Variants in UST observed in about 807,000 individuals in gnomAD.
UST encodes the protein chondroitin sulfate 2-O-sulfotransferase.
UST carries 21 observed loss-of-function variants against 45.6 expected under a neutral mutation model. The ratio of observed to expected loss-of-function variants is 0.46; its 90% CI spans 0.33 to 0.66. UST has a LOEUF of 0.66. Among genes scored for constraint, UST ranks in the 30% least tolerant of loss-of-function variants. The pLI is 0.02. For missense variants in UST, 463 were observed against 512.4 expected (o/e 0.90, Z 0.93); for synonymous variants, 215 against 200.6 (o/e 1.07, Z -0.61).
At chr6:148,750,046 T>G (rs1775959600) in intron 1 of UST, among the ~76,000 whole-genome samples, 1 of 152,246 alleles carries the variant, frequency 6.6e-6, no homozygotes, top group Non-Finnish European at 1.5e-5. Flanking sequence ...CATTCTTTTA[T>G]TTTAGTGTCT....
At chr6:148,966,146 TC>T (rs1780792153) in intron 5 of UST, among the ~76,000 whole-genome samples, 2 of 151,928 alleles carry the variant, frequency 1.3e-5, no homozygotes, top group South Asian at 4.2e-4. Flanking sequence ...ATCCTTTGAA[TC>T]CGGGAGGCAG....
In UST at chr6:148,861,116, C is replaced by G. The variant is rs183052984; in HGVS notation, c.248-25870C>G. Among the ~76,000 whole-genome samples, 10 of 152,256 alleles carry G rather than the reference C, an allele frequency of 6.6e-5. No homozygotes were observed. The East Asian group carries it at 1.7e-3, about 26-fold the overall frequency. ...CTCTGGTAGAATTCAGACGTGAATT[C>G]GTCTGGTCCTGGACTTTTTTTGGTT... On this transcript the variant is annotated intron_variant, in intron 1 of 7. Transcript: ENST00000367463.
chr6:148,765,512 T>A (rs1414419825), intron 1 of UST, among the ~76,000 whole-genome samples: 1 of 152,216 alleles, frequency 6.6e-6, no homozygotes, highest in African/African-American at 2.4e-5. Context: ...ATGACATCGG[T>A]AATTTTCAAA....
At chr6:148,906,676 G>A (rs1346354827) in intron 2 of UST, among the ~76,000 whole-genome samples, 1 of 95,110 alleles carries the variant, frequency 1.1e-5, no homozygotes, top group African/African-American at 3.8e-5. Context: ...TTCACTTGAA[G>A]ACTCTGCCTC....
chr6:149,013,276 G>T (rs983460224), intron 5 of UST, among the ~76,000 whole-genome samples: 3 of 152,122 alleles, frequency 2.0e-5, no homozygotes, highest in African/African-American at 7.2e-5. Context: ...ATTGTCAGGC[G>T]CAGTGGCTCA....
intron 7 of UST, among the ~76,000 whole-genome samples, chr6:149,042,961 T>G (rs1776337096): frequency 1.6e-5 from 1 of 61,902 alleles, no homozygotes; most frequent in Admixed American, 1.4e-4. Flanking sequence ...ATCCTTTTCT[T>G]TCTTTCTTTC....
intron 2 of UST, among the ~76,000 whole-genome samples, chr6:148,927,710 T>G (rs1463453990): frequency 6.6e-6 from 1 of 152,106 alleles, no homozygotes; most frequent in Non-Finnish European, 1.5e-5. Flanking sequence ...ACATCCCCAT[T>G]CCAAAACAGA....
At chr6:148,926,943 A>C (rs1283308153) in intron 2 of UST, among the ~76,000 whole-genome samples, 1 of 139,048 alleles carries the variant, frequency 7.2e-6, no homozygotes, top group Non-Finnish European at 1.5e-5. Context: ...ATAGGTTTGA[A>C]AAAATGTTTT....
Position 148,780,741 on chromosome 6 carries a change from A to AT in UST, c.247+33070dup, listed in dbSNP as rs1451420408. Among the ~76,000 whole-genome samples the AT allele has an allele frequency of 3.3e-5, 5 of 152,028 alleles. No individual in the cohort carries two copies. In the East Asian group the frequency reaches 9.6e-4, roughly 29 times the overall value. ...TTTGCTATTGTGAATAGTCAGCACC[A>AT]TTTTTTCTGATAACATATGCTTACT... On this transcript the variant is annotated intron_variant, in intron 1 of 7. Transcript: ENST00000367463.
At chr6:149,017,420 C>G (rs1160923907) in intron 5 of UST, among the ~76,000 whole-genome samples, 1 of 151,876 alleles carries the variant, frequency 6.6e-6, no homozygotes, top group Non-Finnish European at 1.5e-5. Flanking sequence ...GTAATAAAAG[C>G]TAACACTTCA....
intron 1 of UST, among the ~76,000 whole-genome samples, chr6:148,771,992 A>G (rs756991120): frequency 1.1e-4 from 16 of 152,150 alleles, no homozygotes; most frequent in Non-Finnish European, 2.2e-4. Context: ...ACCTCCTTCA[A>G]TATTTTTTTT....
intron 2 of UST, among the ~76,000 whole-genome samples, chr6:148,894,879 G>A (rs4897064): frequency 0.26 from 37,221 of 143,136 alleles, 5,110 homozygotes; most frequent in East Asian, 0.39. Context: ...GTGTAGTGGC[G>A]CGATCTTGGC....
At chr6:148,864,802 C>T (rs1300893170) in intron 1 of UST, among the ~76,000 whole-genome samples, 3 of 152,164 alleles carry the variant, frequency 2.0e-5, no homozygotes, top group African/African-American at 4.8e-5. Flanking sequence ...ATAGTTTGGT[C>T]TAGTGTCCAG....
At chr6:148,791,059 G>A (rs139920032) in intron 1 of UST, among the ~76,000 whole-genome samples, 2 of 152,320 alleles carry the variant, frequency 1.3e-5, no homozygotes, top group African/African-American at 4.8e-5. Context: ...TCAATTCAGT[G>A]CTTTTCTGAC....
At chr6:149,031,237 G>C (rs544561986) in intron 7 of UST, among the ~76,000 whole-genome samples, 140 of 151,642 alleles carry the variant, frequency 9.2e-4, no homozygotes, top group Non-Finnish European at 1.5e-3. Flanking sequence ...TAAGCTGAAG[G>C]CATATAACTG....
In UST at chr6:149,014,829, G is replaced by A. The variant is rs375488853; in HGVS notation, c.682-4310G>A. ...AGATTCCTGGCCCTGCATATCAAAT[G>A]CCCTGGAAGTCTGGCCAGGGAAATC... On this transcript the variant is annotated intron_variant, in intron 5 of 7. Transcript: ENST00000367463. 4.7e-4 allele frequency among the ~76,000 whole-genome samples: 71 copies of A among 152,292 alleles called. No individual in the cohort carries two copies. In the South Asian group the frequency reaches 0.01, roughly 22 times the overall value.
At chr6:148,829,037 C>T (rs908269547) in intron 1 of UST, among the ~76,000 whole-genome samples, 3 of 152,266 alleles carry the variant, frequency 2.0e-5, no homozygotes, top group African/African-American at 7.2e-5. Context: ...ACAATGGCAC[C>T]AATTCCTTGG....
chr6:149,047,916 A>G (rs1474301352), intron 7 of UST, among the ~76,000 whole-genome samples: 1 of 152,232 alleles, frequency 6.6e-6, no homozygotes, highest in Non-Finnish European at 1.5e-5. Context: ...CTTGGGTTTA[A>G]AATAATGGTG....
chr6:148,751,930 AC>A (rs1776000296), intron 1 of UST, among the ~76,000 whole-genome samples: 1 of 152,278 alleles, frequency 6.6e-6, no homozygotes, highest in South Asian at 2.1e-4. Flanking sequence ...CAGATGGCTT[AC>A]TACTGATCTT....
Sources: allele counts gnomAD v4.1 joint callset (sites outside exome capture counted in the v4.1 genomes callset), GRCh38; gene constraint gnomAD v4.1.1; transcripts MANE v1.5; gene names NCBI Gene and HGNC (gene_info 2026-07-23, HGNC 2026-07-21).